HDAC9: variants seen among roughly 807,000 people sequenced by gnomAD.
The protein encoded by HDAC9 is histone deacetylase 9.
Under a neutral mutation model 139.4 loss-of-function variants are expected in HDAC9, and 41 were observed. The ratio of observed to expected loss-of-function variants is 0.29; its 90% confidence interval spans 0.23 to 0.38. The LOEUF is 0.38. Ranked by LOEUF, HDAC9 falls within the 10% of genes least tolerant of loss-of-function variation. The pLI is 1.00. For synonymous variants in HDAC9, 517 were observed against 476.2 expected (o/e 1.09, Z -1.12); for missense variants, 1,147 against 1,297.0 (o/e 0.88, Z 1.78).
At position 18,303,375 on chromosome 7, in the gene HDAC9, T is replaced by TTGTGTGTGTGTGTGTG. The variant is rs71014320; in HGVS notation, c.-42+12894_-42+12909dup. Among the ~76,000 whole-genome samples, 152 of 127,786 alleles carry TTGTGTGTGTGTGTGTG rather than the reference T, an allele frequency of 1.2e-3. 1 individual carries two copies. Among genetic ancestry groups the TTGTGTGTGTGTGTGTG allele is most frequent in the Admixed American group, 2.2e-3 (27 of 12,166 alleles). 83.8% of individuals were successfully genotyped at this position (127,786 alleles called of 152,430 possible). A position where few individuals can be genotyped will look rare whatever the true frequency, so the allele number is the denominator to read the frequency against. On this transcript the variant is annotated intron_variant, in intron 1 of 3. Coordinates refer to the HDAC9 transcript ENST00000413509. ...GCACCCACCGCCACGCCCAGCCAAT[T>TTGTGTGTGTGTGTGTG]TGTGTGTGTGTGTGTGTGTGTGTGT...
chr7:18,275,105 T>C (rs749164097), intron 2 of HDAC9, among the ~76,000 whole-genome samples: 7 of 151,964 alleles, frequency 4.6e-5, no homozygotes, highest in African/African-American at 7.3e-5. Context: ...TTCAGCAAAA[T>C]TGCTCTACAC....
At chr7:18,898,026 C>G (rs758556959) in intron 22 of HDAC9, among the ~76,000 whole-genome samples, 1 of 151,774 alleles carries the variant, frequency 6.6e-6, no homozygotes, top group African/African-American at 2.4e-5. Flanking sequence ...ATATATTTCA[C>G]ACATTTCTTT....
intron 22 of HDAC9, among the ~76,000 whole-genome samples, chr7:18,899,935 G>A (rs1220795957): frequency 2.0e-5 from 3 of 151,884 alleles, no homozygotes; most frequent in Admixed American, 2.0e-4. Flanking sequence ...CTGAAATAAA[G>A]TGTTGTTTGA....
chr7:18,841,754 C>T (rs539152868), intron 21 of HDAC9, among the ~76,000 whole-genome samples: 3 of 152,060 alleles, frequency 2.0e-5, no homozygotes, highest in African/African-American at 7.2e-5. Flanking sequence ...GTAAGTGCCC[C>T]AAAATTGAAA....
At chr7:18,492,365 C>A (rs1335621555), upstream of HDAC9, among the ~76,000 whole-genome samples, 1 of 151,706 alleles carries the variant, frequency 6.6e-6, no homozygotes, top group African/African-American at 2.4e-5. Flanking sequence ...TATTTTGGTG[C>A]CATACAGGTT....
chr7:18,290,001 G>A (rs1340635841), upstream of HDAC9: 2 of 154,326 alleles, frequency 1.3e-5, no homozygotes, highest in Admixed American at 6.4e-5. Context: ...TCCATTCCAG[G>A]GCAGAATCAT....
intron 12 of HDAC9, among the ~76,000 whole-genome samples, chr7:18,705,785 G>A (rs1213289148): frequency 6.7e-6 from 1 of 149,932 alleles, no homozygotes; most frequent in Non-Finnish European, 1.5e-5. Flanking sequence ...CCTGGGAGGT[G>A]GAGGCTGCAG....
At chr7:18,356,275 A>T (rs1347073633) in intron 1 of HDAC9, among the ~76,000 whole-genome samples, 3 of 149,546 alleles carry the variant, frequency 2.0e-5, no homozygotes, top group Non-Finnish European at 4.4e-5. Flanking sequence ...GCAAAGACAA[A>T]TTCTTCCTGC....
intron 2 of HDAC9, among the ~76,000 whole-genome samples, chr7:18,168,897 T>TTTGTG (rs1351720169): frequency 1.4e-4 from 13 of 94,340 alleles, no homozygotes; most frequent in African/African-American, 6.9e-4. Flanking sequence ...TTTTTTTTTT[T>TTTGTG]TGTGTGTGTG....
At chr7:18,289,648 A>G (rs189017891), upstream of HDAC9, among the ~76,000 whole-genome samples, 3 of 152,276 alleles carry the variant, frequency 2.0e-5, no homozygotes, top group African/African-American at 7.2e-5. Flanking sequence ...TCCAGATTTA[A>G]TTCAAATGCA....
At chr7:18,456,243 G>A (rs967274394) in intron 1 of HDAC9, among the ~76,000 whole-genome samples, 1 of 152,028 alleles carries the variant, frequency 6.6e-6, no homozygotes, top group Non-Finnish European at 1.5e-5. Flanking sequence ...TGGTTGGTTG[G>A]TTGATTTTTT....
chr7:18,996,165 A>G lies in HDAC9; in HGVS notation c.*103A>G. 1 of 801,904 alleles carries G rather than the reference A, an allele frequency of 1.2e-6. No individual in the cohort carries two copies. Among genetic ancestry groups the G allele is most frequent in the Non-Finnish European group, 2.0e-6 (1 of 490,888 alleles). 49.7% of individuals were successfully genotyped at this position (801,904 alleles called of 1,614,324 possible). A position where few individuals can be genotyped will look rare whatever the true frequency, so the allele number is the denominator to read the frequency against. ...CTTGTCTGCTGCCTGGGTGGCACAG[A>G]TTCAATGGAACATAAACACTGGGCA... On this transcript the variant is annotated 3_prime_UTR_variant, in exon 26 of 26. Coordinates refer to ENST00000686413, the MANE Select transcript of HDAC9 (RefSeq NM_178425.4).
At chr7:18,229,757 A>G (rs1422082863) in intron 2 of HDAC9, among the ~76,000 whole-genome samples, 2 of 152,260 alleles carry the variant, frequency 1.3e-5, no homozygotes, top group African/African-American at 4.8e-5. Flanking sequence ...AACACCTTTG[A>G]ACATTTACTT....
chr7:18,569,462 A>G (rs1440757537), intron 2 of HDAC9, among the ~76,000 whole-genome samples: 2 of 152,210 alleles, frequency 1.3e-5, no homozygotes, highest in African/African-American at 4.8e-5. Context: ...AATATTTTCA[A>G]TAATTTCTTA....
Position 18,829,502 on chromosome 7 carries a change from A to T in HDAC9, c.2420A>T (p.Tyr807Phe), listed in dbSNP as rs772442317. 6.2e-7 allele frequency: 1 copy of T among 1,612,724 alleles called. No individual in the cohort carries two copies. Among genetic ancestry groups the T allele is most frequent in the Admixed American group, 1.7e-5 (1 of 60,016 alleles). ...FFNSVAITAK[Y>F]LRDQLNISKI... The stretch of plus-strand genomic sequence containing the variant: ...AATTCAGTTGCAATTACCGCCAAAT[A>T]CTTGAGAGACCAACTAAATATAAGC... The change falls in exon 19 of 26, where the codon TAC becomes TTC. Residue 807 changes from tyrosine (Y) to phenylalanine (F), a missense_variant. Physicochemically the swap from Tyr to Phe is conservative, Grantham distance 22 (BLOSUM62 3). Transcript: ENST00000686413.
intron 2 of HDAC9, among the ~76,000 whole-genome samples, chr7:18,546,121 C>T (rs542133610): frequency 6.6e-6 from 1 of 152,236 alleles, no homozygotes; most frequent in African/African-American, 2.4e-5. Flanking sequence ...CTTCCTGCCC[C>T]TTTTGCCAAG....
At chr7:18,363,708 C>A (rs898816044) in intron 1 of HDAC9, among the ~76,000 whole-genome samples, 2 of 152,084 alleles carry the variant, frequency 1.3e-5, no homozygotes, top group Admixed American at 1.3e-4. Context: ...TTAGAGAAAG[C>A]CAATGGGCTG....
chr7:18,777,486 G>A (rs563849440), intron 16 of HDAC9, among the ~76,000 whole-genome samples: 7 of 151,892 alleles, frequency 4.6e-5, no homozygotes, highest in African/African-American at 9.7e-5. Context: ...TTGTGTTGGT[G>A]CATAGAATGG....
chr7:18,243,772 A>T (rs964072573), intron 2 of HDAC9, among the ~76,000 whole-genome samples: 4 of 152,184 alleles, frequency 2.6e-5, no homozygotes, highest in African/African-American at 9.6e-5. Flanking sequence ...TAGTTAAAAA[A>T]TTTATTTTAT....
Sources: allele counts gnomAD v4.1 joint callset (sites outside exome capture counted in the v4.1 genomes callset), GRCh38; gene constraint gnomAD v4.1.1; transcripts MANE v1.5; gene names NCBI Gene and HGNC (gene_info 2026-07-23, HGNC 2026-07-21).